CEP43: variants seen among roughly 807,000 people sequenced by gnomAD.
The protein encoded by CEP43 is FGFR1 oncogene partner.
A neutral mutation model predicts 52.6 loss-of-function variants in CEP43; 36 were observed. The ratio of observed to expected loss-of-function variants is 0.68; its 90% CI spans 0.52 to 0.90. CEP43 has a LOEUF of 0.90. Ranked by LOEUF, CEP43 falls within the 40% of genes least tolerant of loss-of-function variation. The pLI is 0.00. For missense variants in CEP43, 506 were observed against 472.8 expected (o/e 1.07, Z -0.65); for synonymous variants, 192 against 172.4 (o/e 1.11, Z -0.89).
At chr6:167,014,818 G>C (rs763391151) in intron 7 of CEP43, among the ~76,000 whole-genome samples, 3 of 152,170 alleles carry the variant, frequency 2.0e-5, no homozygotes, top group South Asian at 2.1e-4. Flanking sequence ...ATTTAACACA[G>C]TTCTCACTTA....
At chr6:167,031,239 A>G (rs2128666723) in intron 10 of CEP43, among the ~76,000 whole-genome samples, 1 of 151,918 alleles carries the variant, frequency 6.6e-6, no homozygotes, top group Non-Finnish European at 1.5e-5. Flanking sequence ...GGTTTTTCAA[A>G]CCACCGCACC....
rs893646402 is a variant in CEP43 at position 167,040,443 on chromosome 6, T to C, written c.*465T>C. The C allele has an allele frequency of 1.6e-6, 2 of 1,224,182 alleles. No homozygotes were observed. The highest frequency in any genetic ancestry group is 3.7e-5 in the East Asian group (1 of 26,940). 75.8% of individuals were successfully genotyped at this position (1,224,182 alleles called of 1,614,324 possible). ...GTGGTTCTACACATAGTTGGCAAAATGACTTGGTAAATTTGTAATGCTGAA... is the reference window on the plus strand; with the variant it reads ...GTGGTTCTACACATAGTTGGCAAAACGACTTGGTAAATTTGTAATGCTGAA... On this transcript the variant is annotated 3_prime_UTR_variant, in exon 13 of 13. Coordinates refer to ENST00000366847, the MANE Select transcript of CEP43 (RefSeq NM_007045.4).
chr6:167,018,803 C>T (rs1430037926), intron 7 of CEP43, among the ~76,000 whole-genome samples: 3 of 152,138 alleles, frequency 2.0e-5, no homozygotes, highest in Non-Finnish European at 2.9e-5. Flanking sequence ...ACCCAAGTAA[C>T]TGAAGTTTAT....
chr6:167,026,991 G>A (rs116066664), intron 10 of CEP43, among the ~76,000 whole-genome samples: 67 of 152,318 alleles, frequency 4.4e-4, no homozygotes, highest in African/African-American at 1.6e-3. Flanking sequence ...TGACTTCTGT[G>A]CAGAAGCTTC....
At chr6:167,035,473 G>A (rs1300511661) in intron 12 of CEP43, among the ~76,000 whole-genome samples, 1 of 152,118 alleles carries the variant, frequency 6.6e-6, no homozygotes, top group Non-Finnish European at 1.5e-5. Flanking sequence ...ATAGCCCAGT[G>A]GAATGGGCAA....
rs1440752673 is a variant in CEP43 at position 167,032,647 on chromosome 6, G to A, written c.1028+5G>A. ...CTATGTTGATGATTTTAATAGGTAAGAAAAACTATTGGGCAAATATATAAA... is the reference window on the plus strand; with the variant it reads ...CTATGTTGATGATTTTAATAGGTAAAAAAAACTATTGGGCAAATATATAAA... On this transcript the variant is annotated splice_donor_5th_base_variant and intron_variant, in intron 11 of 12. Coordinates refer to ENST00000366847, the MANE Select transcript of CEP43 (RefSeq NM_007045.4). 1.3e-6 allele frequency: 2 copies of A among 1,570,584 alleles called. No individual in the cohort carries two copies. The highest frequency in any genetic ancestry group is 1.7e-6 in the Non-Finnish European group (2 of 1,153,472).
chr6:167,009,597 G>A (rs1308210977), intron 5 of CEP43, among the ~76,000 whole-genome samples: 1 of 150,216 alleles, frequency 6.7e-6, no homozygotes, highest in Non-Finnish European at 1.5e-5. Flanking sequence ...CCCGGCAGTC[G>A]GAGGTTGCAG....
chr6:167,036,846 T>C, intron 12 of CEP43: 1 of 832,718 alleles, frequency 1.2e-6, no homozygotes, highest in Non-Finnish European at 1.4e-6. Context: ...CTCACTCTGT[T>C]GCCTAGGCTG....
Position 167,039,885 on chromosome 6 carries a change from T to C in CEP43, c.1126-19T>C. On this transcript the variant is annotated intron_variant, in intron 12 of 12. Transcript: ENST00000366847. The stretch of plus-strand genomic sequence containing the variant: ...CACATTCTGACACTTAATTATTTTC[T>C]TTCTTTTGAACAACAAAGCTTGATG... 6.2e-7 allele frequency: 1 copy of C among 1,612,148 alleles called. No homozygotes were observed. Among genetic ancestry groups the C allele is most frequent in the Non-Finnish European group, 8.5e-7 (1 of 1,179,050 alleles).
intron 1 of CEP43, 118 bp downstream of exon 1, chr6:166,999,632 C>A (rs1048644755): frequency 1.9e-5 from 13 of 699,796 alleles, no homozygotes; most frequent in Non-Finnish European, 2.7e-5. Flanking sequence ...GGCCGGCGGG[C>A]ACTGGGGGCG....
Position 167,022,430 on chromosome 6 carries a change from C to A in CEP43, c.601C>A (p.Gln201Lys). The A allele has an allele frequency of 6.2e-7, 1 of 1,613,878 alleles. No individual in the cohort carries two copies. Among genetic ancestry groups the A allele is most frequent in the East Asian group, 2.2e-5 (1 of 44,872 alleles). Reference sequence around the variant, plus strand: ...CTAGAAGGCCAATGATGAGGCCAATCAGAGTGATACAAGTGTCTCCTTGTC... The same window carrying A: ...CTAGAAGGCCAATGATGAGGCCAATAAGAGTGATACAAGTGTCTCCTTGTC... ...GDKKANDEAN[Q>K]SDTSVSLSEP... is the part of the protein sequence containing the mutation. The change falls in exon 8 of 13, where the codon CAG becomes AAG. Residue 201 changes from glutamine to lysine, a missense_variant. Coordinates refer to ENST00000366847, the MANE Select transcript of CEP43 (RefSeq NM_007045.4).
At chr6:167,034,950 G>A (rs991994937) in intron 12 of CEP43, among the ~76,000 whole-genome samples, 1 of 152,200 alleles carries the variant, frequency 6.6e-6, no homozygotes, top group Non-Finnish European at 1.5e-5. Context: ...AAAGAGGCCT[G>A]AAGAATGTTG....
intron 4 of CEP43, 177 bp downstream of exon 4, chr6:167,003,988 T>G: frequency 3.4e-6 from 2 of 596,966 alleles, no homozygotes; most frequent in East Asian, 5.6e-5. Flanking sequence ...CTGGCACCAG[T>G]GTTGCTGCTT....
chr6:167,017,931 G>A (rs1175755253), intron 7 of CEP43, among the ~76,000 whole-genome samples: 2 of 152,088 alleles, frequency 1.3e-5, no homozygotes, highest in African/African-American at 2.4e-5. Context: ...GTTTCCTAGG[G>A]CTAATGTAAT....
At position 167,048,973 on chromosome 6, in the gene CEP43, T is replaced by G. The variant is rs1780837765; in HGVS notation, c.*8995T>G. On this transcript the variant is annotated 3_prime_UTR_variant, in exon 13 of 13. Coordinates refer to ENST00000366847, the MANE Select transcript of CEP43 (RefSeq NM_007045.4). ...AGACTGATGAAACCCTTAAAACCTCTCAAGAATTAAAAATCATTTTTGATC... is the reference window on the plus strand; with the variant it reads ...AGACTGATGAAACCCTTAAAACCTCGCAAGAATTAAAAATCATTTTTGATC... 6.6e-6 allele frequency: 1 copy of G among 152,212 alleles called. No homozygotes were observed. Among genetic ancestry groups the G allele is most frequent in the African/African-American group, 2.4e-5 (1 of 41,456 alleles). The allele number at this position is 152,212 out of a possible 1,614,324, so 9.4% of individuals were successfully genotyped here.
chr6:167,010,755 T>C, intron 5 of CEP43, 58 bp from the exon 6 acceptor site: 1 of 777,212 alleles, frequency 1.3e-6, no homozygotes, highest in East Asian at 3.1e-5. Flanking sequence ...TGGAGTGTAA[T>C]TGGTATATTT....
chr6:167,040,587 TG>T lies in CEP43; in HGVS notation c.*610del. 1.9e-6 allele frequency: 2 copies of T among 1,050,346 alleles called. No individual in the cohort carries two copies. The highest frequency in any genetic ancestry group is 9.9e-5 in the Admixed American group (2 of 20,200). The allele number at this position is 1,050,346 out of a possible 1,614,324, so 65.1% of individuals were successfully genotyped here. ...TACTCTTGTGTGTGCTATTTAGTTT[TG>T]CTTGTTTTAAAGAAATCTAGAAGTG... On this transcript the variant is annotated 3_prime_UTR_variant, in exon 13 of 13. Coordinates refer to ENST00000366847, the MANE Select transcript of CEP43 (RefSeq NM_007045.4).
In CEP43 at chr6:167,004,264, C is replaced by T; in HGVS notation, c.301C>T (p.Leu101=). 6.3e-7 allele frequency: 1 copy of T among 1,592,346 alleles called. No individual in the cohort carries two copies. Among genetic ancestry groups the T allele is most frequent in the Non-Finnish European group, 8.5e-7 (1 of 1,172,300 alleles). ...LAVFQPETST[L]QGLEGRENLA... is the part of the protein sequence containing the mutation. ...ACTTGTATTTTAACTTCTTTTCTAG[C>T]TGCAAGGTCTCGAAGGTCGAGAGAA... The change falls in exon 5 of 13, where the codon CTG becomes TTG. Residue 101 remains leucine (L), a splice_region_variant and synonymous_variant. Coordinates refer to ENST00000366847, the MANE Select transcript of CEP43 (RefSeq NM_007045.4).
chr6:167,049,761 A>G lies in CEP43; in HGVS notation c.*9783A>G, dbSNP rs555733863. On this transcript the variant is annotated 3_prime_UTR_variant, in exon 13 of 13. Coordinates refer to ENST00000366847, the MANE Select transcript of CEP43 (RefSeq NM_007045.4). ...AGCCTCTGAGTAATATAATAACTCT[A>G]TGTTTGGTGTTTTGAAGAATTGCTA... is the stretch of plus-strand genomic sequence containing the variant. 1.3e-5 allele frequency: 2 copies of G among 152,322 alleles called. No individual in the cohort carries two copies. The highest frequency in any genetic ancestry group is 2.4e-5 in the African/African-American group (1 of 41,588). 9.4% of individuals were successfully genotyped at this position (152,322 alleles called of 1,614,324 possible).
Sources: gnomAD v4.1 joint callset for allele counts (sites outside exome capture counted in the v4.1 genomes callset) on GRCh38, gnomAD v4.1.1 for gene constraint, MANE v1.5 for transcripts, NCBI Gene and HGNC (gene_info 2026-07-23, HGNC 2026-07-21) for gene names.